Variants in RBFOX1 observed in about 807,000 individuals in gnomAD.
RBFOX1 encodes the protein RNA binding protein fox-1 homolog 1.
RBFOX1 carries 8 observed loss-of-function variants against 57.7 expected under a neutral mutation model. The ratio of observed to expected loss-of-function variants is 0.14; its 90% CI spans 0.08 to 0.25. The LOEUF (loss-of-function observed/expected upper bound fraction) is 0.25, where lower values mean the gene tolerates loss of function less well. Among genes scored for constraint, RBFOX1 ranks in the 10% least tolerant of loss-of-function variants. The pLI, the probability that RBFOX1 is intolerant of heterozygous loss-of-function variation, is 1.00. For missense variants in RBFOX1, 611 were observed against 548.5 expected, an observed-to-expected ratio of 1.11 and a Z score of -1.14; for synonymous variants, 326 against 222.4, an observed-to-expected ratio of 1.47 and a Z score of -4.15.
chr16:6,153,781 C>T (rs973703728), intron 1 of RBFOX1, among the ~76,000 whole-genome samples: 2 of 152,126 alleles, frequency 1.3e-5, no homozygotes, highest in African/African-American at 4.8e-5. Context: ...GGTGATCTGC[C>T]CACCTCTTCC....
chr16:7,685,055 C>T (rs1248750832), intron 14 of RBFOX1, among the ~76,000 whole-genome samples: 1 of 152,034 alleles, frequency 6.6e-6, no homozygotes, highest in Non-Finnish European at 1.5e-5. Context: ...CACCATTGGG[C>T]TCACCAGGAG....
At chr16:6,993,524 T>G (rs1308750411) in intron 3 of RBFOX1, among the ~76,000 whole-genome samples, 3 of 152,166 alleles carry the variant, frequency 2.0e-5, no homozygotes, top group Admixed American at 2.0e-4. Flanking sequence ...TCAGGAAACC[T>G]GGTTAAAGGT....
chr16:5,461,922 G>C (rs1342851489), intron 1 of RBFOX1, among the ~76,000 whole-genome samples: 1 of 152,188 alleles, frequency 6.6e-6, no homozygotes, highest in Non-Finnish European at 1.5e-5. Flanking sequence ...TATCTACCCA[G>C]TTCTACTGAA....
At chr16:6,912,473 CAGAT>C (rs1346731416) in intron 3 of RBFOX1, among the ~76,000 whole-genome samples, 2 of 152,078 alleles carry the variant, frequency 1.3e-5, no homozygotes, top group Non-Finnish European at 2.9e-5. Context: ...CCCTGCGGCT[CAGAT>C]AGATCAGATT....
upstream of RBFOX1, among the ~76,000 whole-genome samples, chr16:6,014,811 A>T (rs769414927): frequency 2.6e-5 from 4 of 151,956 alleles, no homozygotes; most frequent in Non-Finnish European, 4.4e-5. Flanking sequence ...ACTGCTATTG[A>T]AAGGTATCCT....
chr16:7,402,663 A>G (rs1052192220), intron 4 of RBFOX1, among the ~76,000 whole-genome samples: 3 of 152,178 alleles, frequency 2.0e-5, no homozygotes, highest in African/African-American at 7.2e-5. Context: ...TCTGTTAATT[A>G]TGCTGTTTCA....
chr16:6,836,893 T>C (rs1297423749), intron 3 of RBFOX1, among the ~76,000 whole-genome samples: 2 of 152,174 alleles, frequency 1.3e-5, no homozygotes, highest in Non-Finnish European at 2.9e-5. Context: ...TGGTTAATCA[T>C]TGAATCAGCG....
At chr16:6,384,370 C>T (rs1461722052) in intron 2 of RBFOX1, among the ~76,000 whole-genome samples, 1 of 152,006 alleles carries the variant, frequency 6.6e-6, no homozygotes, top group Non-Finnish European at 1.5e-5. Context: ...TTTCCCTGCC[C>T]CCTGTTTTGC....
intron 1 of RBFOX1, among the ~76,000 whole-genome samples, chr16:5,441,317 C>T (rs2068076628): frequency 6.6e-6 from 1 of 150,526 alleles, no homozygotes; most frequent in Non-Finnish European, 1.5e-5. Context: ...TCTCATGCTG[C>T]TAATAAAGAC....
intron 4 of RBFOX1, among the ~76,000 whole-genome samples, chr16:7,105,474 C>G (rs1031410658): frequency 2.0e-5 from 3 of 152,242 alleles, no homozygotes; most frequent in African/African-American, 7.2e-5. Flanking sequence ...TTATCCCTTA[C>G]TGCACTTCCA....
chr16:6,035,928 T>A (rs2095359458), intron 1 of RBFOX1, among the ~76,000 whole-genome samples: 1 of 152,206 alleles, frequency 6.6e-6, no homozygotes, highest in Admixed American at 6.5e-5. Flanking sequence ...TCTTAAAGCA[T>A]TTGGAATTAC....
chr16:6,073,466 G>T (rs2095860222), intron 1 of RBFOX1, among the ~76,000 whole-genome samples: 1 of 152,132 alleles, frequency 6.6e-6, no homozygotes, highest in African/African-American at 2.4e-5. Context: ...GTTCATTACT[G>T]CTATTATTAT....
intron 4 of RBFOX1, among the ~76,000 whole-genome samples, chr16:7,139,235 C>G (rs570862933): frequency 6.8e-6 from 1 of 146,426 alleles, no homozygotes; most frequent in Non-Finnish European, 1.5e-5. Flanking sequence ...TCTGCTCCTC[C>G]TCTCTTCTCT....
At chr16:6,801,680 A>G (rs569823384) in intron 3 of RBFOX1, among the ~76,000 whole-genome samples, 2 of 152,134 alleles carry the variant, frequency 1.3e-5, no homozygotes, top group African/African-American at 2.4e-5. Context: ...TCACACTGCT[A>G]TTTCTCGTGG....
chr16:7,375,902 C>G (rs747063027), intron 4 of RBFOX1, among the ~76,000 whole-genome samples: 1 of 152,086 alleles, frequency 6.6e-6, no homozygotes, highest in Non-Finnish European at 1.5e-5. Flanking sequence ...AAGGGAAGAC[C>G]TTGTGCCCAC....
chr16:6,813,824 C>T (rs188639528), intron 3 of RBFOX1, among the ~76,000 whole-genome samples: 7 of 152,086 alleles, frequency 4.6e-5, no homozygotes, highest in South Asian at 2.1e-4. Context: ...AGGGAGGAGG[C>T]GCTGTTGATA....
At chr16:6,999,228 T>TTTTTTTTTTTA (rs1568300558) in intron 3 of RBFOX1, among the ~76,000 whole-genome samples, 1 of 134,556 alleles carries the variant, frequency 7.4e-6, no homozygotes, top group Non-Finnish European at 1.6e-5. Flanking sequence ...TTTTTTTATT[T>TTTTTTTTTTTA]ATTTTTTTTT....
rs1194071993 is a variant in RBFOX1, at chr16:5,742,346, T to TTTCC, written c.319-124943_319-124940dup. The stretch of plus-strand genomic sequence containing the variant: ...TTCCTCCCTTCCTTCCTCTCCTAAC[T>TTTCC]TTCCTTCCTTCCTTCCTCTCCTTCC... On this transcript the variant is annotated intron_variant, in intron 3 of 19. Transcript: ENST00000641259. 4.4e-5 allele frequency among the ~76,000 whole-genome samples: 4 copies of TTTCC among 91,418 alleles called. No homozygotes were observed. The South Asian group carries it at 1.4e-3, about 31-fold the overall frequency. 60.0% of individuals were successfully genotyped at this position (91,418 alleles called of 152,430 possible). A position where few individuals can be genotyped will look rare whatever the true frequency, so the allele number is the denominator to read the frequency against.
At chr16:7,222,718 C>G (rs138998985) in intron 4 of RBFOX1, among the ~76,000 whole-genome samples, 1 of 152,274 alleles carries the variant, frequency 6.6e-6, no homozygotes, top group South Asian at 2.1e-4. Context: ...AGGTGTAAGC[C>G]AATGCCTGAC....
Sources: allele counts gnomAD v4.1 joint callset (sites outside exome capture counted in the v4.1 genomes callset), GRCh38; gene constraint gnomAD v4.1.1; transcripts MANE v1.5; gene names NCBI Gene and HGNC (gene_info 2026-07-23, HGNC 2026-07-21).